The following ADAMTS2 variants were observed in gnomAD, a reference collection of about 807,000 sequenced individuals.
The protein encoded by ADAMTS2 is ADAM metallopeptidase with thrombospondin type 1 motif 2.
In ADAMTS2, 50 loss-of-function variants were observed where a neutral mutation model predicts 123.0. The observed-to-expected ratio is 0.41, with a 90% CI of 0.32 to 0.51. The LOEUF is 0.51. ADAMTS2 is among the 20% of genes least tolerant of loss of function. The pLI, the probability that ADAMTS2 is intolerant of heterozygous loss-of-function variation, is 0.35. For synonymous variants in ADAMTS2, 678 were observed against 695.4 expected, an observed-to-expected ratio of 0.98 and a Z score of 0.39; for missense variants, 1,494 against 1,705.2, an observed-to-expected ratio of 0.88 and a Z score of 2.18.
chr5:179,330,272 G>A (rs1757448472), intron 2 of ADAMTS2, among the ~76,000 whole-genome samples: 1 of 152,162 alleles, frequency 6.6e-6, no homozygotes, highest in Admixed American at 6.5e-5. Context: ...GGCAGGTTGG[G>A]GGAAGGCTGT....
chr5:179,263,108 T>C (rs1766276143), intron 3 of ADAMTS2, among the ~76,000 whole-genome samples: 1 of 85,838 alleles, frequency 1.2e-5, no homozygotes, highest in Non-Finnish European at 2.2e-5. Flanking sequence ...TATTCCCCCA[T>C]GATTTGGGGA....
At chr5:179,268,091 C>T (rs1766422807) in intron 3 of ADAMTS2, among the ~76,000 whole-genome samples, 1 of 152,212 alleles carries the variant, frequency 6.6e-6, no homozygotes, top group Non-Finnish European at 1.5e-5. Context: ...GGAAAGTTCA[C>T]ATAAAAAGTC....
intron 4 of ADAMTS2, among the ~76,000 whole-genome samples, chr5:179,203,944 G>A (rs533029127): frequency 3.7e-4 from 57 of 152,302 alleles, no homozygotes; most frequent in South Asian, 1.2e-3. Flanking sequence ...GGGGGCCACC[G>A]GAGTGCCCAT....
chr5:179,254,033 C>T (rs1490888034), intron 3 of ADAMTS2, among the ~76,000 whole-genome samples: 1 of 152,232 alleles, frequency 6.6e-6, no homozygotes, highest in African/African-American at 2.4e-5. Context: ...AAGGCCACTT[C>T]AGTGTCAACA....
At chr5:179,168,776 C>T (rs1002482659) in intron 5 of ADAMTS2, among the ~76,000 whole-genome samples, 1 of 152,164 alleles carries the variant, frequency 6.6e-6, no homozygotes, top group Non-Finnish European at 1.5e-5. Context: ...TACCGTGCCC[C>T]CCAGCTGAGT....
rs373287507 is a variant in ADAMTS2 at position 179,128,109 on chromosome 5, C to T, written c.2467G>A (p.Val823Met). ...GTCAGTGAGACCCGGGTGTCTCCCA[C>T]CGGGATGACCTGTGCCAGCCCAAGA... ...HGTITVLVIP[V>M]GDTRVSLTYK... Residue 823 changes from valine (V) to methionine (M), a missense_variant, in exon 17 of 22, where the codon GTG (valine) becomes ATG (methionine). Val to Met is a conservative substitution (Grantham distance 21, BLOSUM62 1). Transcript: ENST00000251582. The surrounding 1 kb of genome is among the most constrained non-coding windows in gnomAD (Gnocchi z 4.9). 1.7e-5 allele frequency: 28 copies of T among 1,613,564 alleles called. No individual in the cohort carries two copies. The highest frequency in any genetic ancestry group is 2.3e-5 in the Non-Finnish European group (27 of 1,180,024).
chr5:179,146,194 T>C lies in ADAMTS2; in HGVS notation c.1629+5948A>G, dbSNP rs78410045. Among the ~76,000 whole-genome samples the C allele has an allele frequency of 6.4e-3, 979 of 152,330 alleles. 12 individuals are homozygous for C. Among genetic ancestry groups the C allele is most frequent in the African/African-American group, 0.022 (923 of 41,570 alleles). On this transcript the variant is annotated intron_variant, in intron 10 of 21. Coordinates refer to ENST00000251582, the MANE Select transcript of ADAMTS2 (RefSeq NM_014244.5). ...AGTGAATTTAAATATAGATCTCACCTTATTAAAGCTGTTAGGGAAAAAAAC... is the reference window on the plus strand; with the variant it reads ...AGTGAATTTAAATATAGATCTCACCCTATTAAAGCTGTTAGGGAAAAAAAC...
intron 20 of ADAMTS2, among the ~76,000 whole-genome samples, chr5:179,122,393 G>A (rs937301116): frequency 3.3e-5 from 5 of 152,200 alleles, no homozygotes; most frequent in African/African-American, 1.2e-4. Flanking sequence ...AGCTGGCCGA[G>A]TCCTGCTGTC....
Position 179,117,510 on chromosome 5 carries a change from G to C in ADAMTS2, c.3179-3186C>G, listed in dbSNP as rs1404794234. Among the ~76,000 whole-genome samples, 1 of 151,674 alleles carries C rather than the reference G, an allele frequency of 6.6e-6. No homozygotes were observed. Among genetic ancestry groups the C allele is most frequent in the Non-Finnish European group, 1.5e-5 (1 of 67,954 alleles). On this transcript the variant is annotated intron_variant, in intron 21 of 21. Coordinates refer to ENST00000251582, the MANE Select transcript of ADAMTS2 (RefSeq NM_014244.5). This position sits in a 1 kb window ranked among gnomAD's most constrained non-coding sequence, Gnocchi z 4.2. ...TGTGCCAAGTCCCTCCCTCCACCTG[G>C]TTTTGTAAATAAAGTTTTATTGGAT...
chr5:179,247,069 C>CG (rs1387405391), intron 3 of ADAMTS2, among the ~76,000 whole-genome samples: 10 of 152,108 alleles, frequency 6.6e-5, no homozygotes, highest in Admixed American at 2.0e-4. Flanking sequence ...CCTCATGTGC[C>CG]AGACAAAGAT....
In ADAMTS2 at chr5:179,180,130, CATCCATACAAAGTGCTT is replaced by C. The variant is rs1173758153; in HGVS notation, c.975+925_975+941del. On this transcript the variant is annotated intron_variant, in intron 5 of 21. Coordinates refer to ENST00000251582, the MANE Select transcript of ADAMTS2 (RefSeq NM_014244.5). The surrounding 1 kb of genome is among the most constrained non-coding windows in gnomAD (Gnocchi z 4.6). ...ATCTGCCCTGTAGATTAAGGGCATT[CATCCATACAAAGTGCTT>C]CCCACACGGCTGGTACAGGCACTTT... is the stretch of plus-strand genomic sequence containing the variant. Among the ~76,000 whole-genome samples the C allele has an allele frequency of 5.3e-5, 8 of 152,158 alleles. No individual in the cohort carries two copies. Among genetic ancestry groups the C allele is most frequent in the Non-Finnish European group, 1.2e-4 (8 of 68,044 alleles).
chr5:179,185,523 G>C lies in ADAMTS2; in HGVS notation c.892-4368C>G, dbSNP rs1228655541. Among the ~76,000 whole-genome samples, 1 of 152,086 alleles carries C rather than the reference G, an allele frequency of 6.6e-6. No individual in the cohort carries two copies. Among genetic ancestry groups the C allele is most frequent in the Non-Finnish European group, 1.5e-5 (1 of 68,002 alleles). On this transcript the variant is annotated intron_variant, in intron 4 of 21. Coordinates refer to ENST00000251582, the MANE Select transcript of ADAMTS2 (RefSeq NM_014244.5). This position sits in a 1 kb window ranked among gnomAD's most constrained non-coding sequence, Gnocchi z 5.9. ...CTCTCCTAGCCCTACCCCTGGGGCC[G>C]AAGGTGGCAGCTCTCATCTCAAGAA...
intron 4 of ADAMTS2, among the ~76,000 whole-genome samples, chr5:179,192,844 T>C (rs771802523): frequency 3.9e-5 from 6 of 152,212 alleles, no homozygotes; most frequent in Non-Finnish European, 7.3e-5. Flanking sequence ...GTTTGTTAGC[T>C]GTCTGTCCGT....
intron 3 of ADAMTS2, among the ~76,000 whole-genome samples, chr5:179,265,497 C>T (rs1281999424): frequency 6.6e-6 from 1 of 152,162 alleles, no homozygotes; most frequent in African/African-American, 2.4e-5. Context: ...GGGGCCCAGC[C>T]CTCGCTGGGG....
rs1420250454 is a variant in ADAMTS2, at chr5:179,225,981, G to A, written c.689-18266C>T. Among the ~76,000 whole-genome samples the A allele has an allele frequency of 6.6e-6, 1 of 152,110 alleles. No homozygotes were observed. Among genetic ancestry groups the A allele is most frequent in the Non-Finnish European group, 1.5e-5 (1 of 68,020 alleles). On this transcript the variant is annotated intron_variant, in intron 3 of 21. Coordinates refer to ENST00000251582, the MANE Select transcript of ADAMTS2 (RefSeq NM_014244.5). The surrounding 1 kb of genome is among the most constrained non-coding windows in gnomAD (Gnocchi z 4.5). ...CAGCACACGCCCACTGGGGCTTCAG[G>A]GGCTGCAAACATTCACCCCTAGACA...
At position 179,180,988 on chromosome 5, in the gene ADAMTS2, C is replaced by G; in HGVS notation, c.975+84G>C. On this transcript the variant is annotated intron_variant, in intron 5 of 21. Coordinates refer to ENST00000251582, the MANE Select transcript of ADAMTS2 (RefSeq NM_014244.5). The surrounding 1 kb of genome is among the most constrained non-coding windows in gnomAD (Gnocchi z 4.6). ...AGGGTGGTTCTGGCAAACGCACACA[C>G]TCTCCAAGGAGGCCCATGCCTCACT... 9.2e-7 allele frequency: 1 copy of G among 1,087,292 alleles called. No homozygotes were observed. Among genetic ancestry groups the G allele is most frequent in the Non-Finnish European group, 1.4e-6 (1 of 708,920 alleles). 67.4% of individuals were successfully genotyped at this position (1,087,292 alleles called of 1,614,324 possible).
chr5:179,301,517 C>T (rs541588745), intron 2 of ADAMTS2, among the ~76,000 whole-genome samples: 8 of 152,334 alleles, frequency 5.3e-5, no homozygotes, highest in East Asian at 1.9e-4. Context: ...CGGATCTGCT[C>T]GCACAGGGCT....
At position 179,317,442 on chromosome 5, in the gene ADAMTS2, G is replaced by T. The variant is rs997270892; in HGVS notation, c.534+26325C>A. Among the ~76,000 whole-genome samples, 1 of 152,192 alleles carries T rather than the reference G, an allele frequency of 6.6e-6. No homozygotes were observed. Among genetic ancestry groups the T allele is most frequent in the Non-Finnish European group, 1.5e-5 (1 of 68,042 alleles). On this transcript the variant is annotated intron_variant, in intron 2 of 21. Coordinates refer to ENST00000251582, the MANE Select transcript of ADAMTS2 (RefSeq NM_014244.5). The surrounding 1 kb of genome is among the most constrained non-coding windows in gnomAD (Gnocchi z 4.9). ...TGAAGACCCAGGAGGCCACAGCACAGTTCCTCGTGGAGGGAGAGAGATGCG... is the reference window on the plus strand; with the variant it reads ...TGAAGACCCAGGAGGCCACAGCACATTTCCTCGTGGAGGGAGAGAGATGCG...
At chr5:179,331,693 G>C (rs533514433) in intron 2 of ADAMTS2, among the ~76,000 whole-genome samples, 9 of 152,244 alleles carry the variant, frequency 5.9e-5, no homozygotes, top group Admixed American at 5.9e-4. Flanking sequence ...ATTTAGGGCT[G>C]TTCTGGAAAC....
Sources: allele counts gnomAD v4.1 joint callset (sites outside exome capture counted in the v4.1 genomes callset), GRCh38; gene constraint gnomAD v4.1.1; non-coding constraint Gnocchi (gnomAD v3.1); transcripts MANE v1.5; gene names NCBI Gene and HGNC (gene_info 2026-07-23, HGNC 2026-07-21).